Variants in BCL11B observed in about 807,000 individuals in gnomAD.
BCL11B encodes B-cell lymphoma/leukemia 11B.
A neutral mutation model predicts 49.9 loss-of-function variants in BCL11B; 8 were observed. That is an observed-to-expected ratio of 0.16 (90% CI 0.09 to 0.29). The LOEUF is 0.29. BCL11B is among the 10% of genes least tolerant of loss of function. The probability of loss-of-function intolerance (pLI) is 1.00; values close to 1 mark genes in which losing one functional copy is unlikely to be tolerated. For missense variants in BCL11B, 1,006 were observed against 1,351.0 expected (o/e 0.74, Z 4.00); for synonymous variants, 739 against 637.4 (o/e 1.16, Z -2.40).
intron 3 of BCL11B, among the ~76,000 whole-genome samples, chr14:99,207,516 A>G (rs1394115947): frequency 6.6e-6 from 1 of 152,114 alleles, no homozygotes; most frequent in East Asian, 1.9e-4. Context: ...AGGGCTCCAA[A>G]AGCATCCCCT....
intron 2 of BCL11B, among the ~76,000 whole-genome samples, chr14:99,256,848 T>A (rs1889177850): frequency 6.6e-6 from 1 of 152,100 alleles, no homozygotes; most frequent in Admixed American, 6.5e-5. Context: ...CACCCCTGCC[T>A]GGGACCGGCC....
rs112988059 is a variant in BCL11B at position 99,200,329 on chromosome 14, C to T, written c.641-24134G>A. ...AAGGGGACTGGGCTGAAGCCCCATT[C>T]GGAGCTGTGTCATTCCCACTCACAA... On this transcript the variant is annotated intron_variant, in intron 3 of 3. Coordinates refer to ENST00000357195, the MANE Select transcript of BCL11B (RefSeq NM_138576.4). Among the ~76,000 whole-genome samples the T allele has an allele frequency of 5.3e-5, 8 of 152,300 alleles. No homozygotes were observed. The East Asian group carries it at 7.7e-4, about 15-fold the overall frequency.
At chr14:99,258,115 C>T (rs1345094984) in intron 1 of BCL11B, among the ~76,000 whole-genome samples, 2 of 152,222 alleles carry the variant, frequency 1.3e-5, no homozygotes, top group South Asian at 2.1e-4. Flanking sequence ...TATTTTCTGC[C>T]AGTTTCTCCC....
intron 2 of BCL11B, among the ~76,000 whole-genome samples, chr14:99,233,244 G>A (rs1372463682): frequency 1.3e-5 from 2 of 152,124 alleles, no homozygotes; most frequent in South Asian, 2.1e-4. Context: ...GCAGACCACC[G>A]AGGGCTCTGG....
intron 3 of BCL11B, among the ~76,000 whole-genome samples, chr14:99,215,504 C>T (rs1052080653): frequency 6.6e-6 from 1 of 152,170 alleles, no homozygotes; most frequent in Non-Finnish European, 1.5e-5. Flanking sequence ...AATTTGGCAA[C>T]GCCACAGAAG....
At chr14:99,227,275 C>G (rs1888186525) in intron 3 of BCL11B, among the ~76,000 whole-genome samples, 1 of 152,190 alleles carries the variant, frequency 6.6e-6, no homozygotes, top group South Asian at 2.1e-4. Flanking sequence ...CTAACTTCGA[C>G]AGGGCTCACT....
chr14:99,233,279 C>G (rs574341674), intron 2 of BCL11B, among the ~76,000 whole-genome samples: 108 of 152,244 alleles, frequency 7.1e-4, no homozygotes, highest in African/African-American at 2.5e-3. Context: ...TGACAGCCAC[C>G]TCGCTCAGAA....
chr14:99,258,602 GGAGAA>G (rs1889244997), intron 1 of BCL11B, among the ~76,000 whole-genome samples: 1 of 152,204 alleles, frequency 6.6e-6, no homozygotes, highest in Non-Finnish European at 1.5e-5. Context: ...AAATATCTTA[GGAGAA>G]AGCACTGCAG....
intron 3 of BCL11B, among the ~76,000 whole-genome samples, chr14:99,225,453 G>A (rs902099466): frequency 5.9e-5 from 9 of 152,112 alleles, no homozygotes; most frequent in African/African-American, 2.2e-4. Flanking sequence ...AAAGGAGAAC[G>A]GGGCTGCCTT....
rs145244240 is a variant in BCL11B at position 99,230,973 on chromosome 14, G to A, written c.640+372C>T. Among the ~76,000 whole-genome samples the A allele has an allele frequency of 9.8e-3, 1,490 of 152,300 alleles. 29 individuals carry two copies. The highest frequency in any genetic ancestry group is 0.034 in the African/African-American group (1,430 of 41,556). On this transcript the variant is annotated intron_variant, in intron 3 of 3. Coordinates refer to ENST00000357195, the MANE Select transcript of BCL11B (RefSeq NM_138576.4). ...AATCTTCCCCTAGCCTGGTCTTGGC[G>A]GGGCAGGGGATTGTCTGGGGTGGGG...
At chr14:99,178,200 T>TG (rs1183458128) in intron 3 of BCL11B, among the ~76,000 whole-genome samples, 1 of 152,190 alleles carries the variant, frequency 6.6e-6, no homozygotes, top group Non-Finnish European at 1.5e-5. Context: ...TCTTTCCCTC[T>TG]CCTCTCCTAT....
intron 3 of BCL11B, among the ~76,000 whole-genome samples, chr14:99,193,123 C>T (rs941204604): frequency 6.6e-6 from 1 of 152,092 alleles, no homozygotes; most frequent in Non-Finnish European, 1.5e-5. Flanking sequence ...TCAAAAGGGG[C>T]CTTCCAGGTA....
At chr14:99,250,693 AAACT>A (rs1001797450) in intron 2 of BCL11B, among the ~76,000 whole-genome samples, 1 of 152,194 alleles carries the variant, frequency 6.6e-6, no homozygotes, top group African/African-American at 2.4e-5. Context: ...TCAAATAGAC[AAACT>A]AAGAATAATA....
At chr14:99,181,600 C>T (rs370086992) in intron 3 of BCL11B, among the ~76,000 whole-genome samples, 5 of 152,232 alleles carry the variant, frequency 3.3e-5, no homozygotes, top group African/African-American at 1.2e-4. Context: ...AGTGTCCTCC[C>T]AGTGGAAGGC....
Position 99,241,301 on chromosome 14 carries a change from C to T in BCL11B, c.428-9744G>A, listed in dbSNP as rs767218964. 1.3e-5 allele frequency among the ~76,000 whole-genome samples: 2 copies of T among 151,932 alleles called. No homozygotes were observed. The highest frequency in any genetic ancestry group is 2.1e-4 in the South Asian group (1 of 4,818). The stretch of plus-strand genomic sequence containing the variant: ...AACATTGTAGATAAGAGCCCAGAGG[C>T]GGGGAGGCCTCCGGGGCCACTCTTA... On this transcript the variant is annotated intron_variant, in intron 2 of 3. Coordinates refer to ENST00000357195, the MANE Select transcript of BCL11B (RefSeq NM_138576.4). This position sits in a 1 kb window ranked among gnomAD's most constrained non-coding sequence, Gnocchi z 4.4.
At chr14:99,187,143 G>A (rs1175771164) in intron 3 of BCL11B, among the ~76,000 whole-genome samples, 1 of 152,156 alleles carries the variant, frequency 6.6e-6, no homozygotes, top group Non-Finnish European at 1.5e-5. Context: ...GCCCAGGTGT[G>A]CAGTTTCAGG....
chr14:99,255,849 G>T (rs1231622771), intron 2 of BCL11B, among the ~76,000 whole-genome samples: 1 of 152,222 alleles, frequency 6.6e-6, no homozygotes, highest in Non-Finnish European at 1.5e-5. Context: ...CATGCCGGTG[G>T]CCTGGACATG....
chr14:99,269,179 A>T (rs1889575884), intron 1 of BCL11B, among the ~76,000 whole-genome samples: 2 of 107,958 alleles, frequency 1.9e-5, no homozygotes, highest in Non-Finnish European at 3.7e-5. Context: ...CCCCTCCTCA[A>T]AAACAACCCT....
rs34800317 is a variant in BCL11B, at chr14:99,173,577, T to TAA, written c.*572_*573dup. The TAA allele has an allele frequency of 4.4e-3, 783 of 179,368 alleles. No homozygotes were observed. The highest frequency in any genetic ancestry group is 1.0e-2 in the Middle Eastern group (5 of 502). The allele number at this position is 179,368 out of a possible 1,614,324, so 11.1% of individuals were successfully genotyped here. On this transcript the variant is annotated 3_prime_UTR_variant, in exon 4 of 4. Transcript: ENST00000357195. The stretch of plus-strand genomic sequence containing the variant: ...ACCAAAAAAAAAATTAAAAAATAAT[T>TAA]AAAAAAAAAACTGCATGCCACTTTT...
Sources: gnomAD v4.1 joint callset for allele counts (sites outside exome capture counted in the v4.1 genomes callset) on GRCh38, gnomAD v4.1.1 for gene constraint, Gnocchi (gnomAD v3.1) non-coding constraint, MANE v1.5 for transcripts, NCBI Gene and HGNC (gene_info 2026-07-23, HGNC 2026-07-21) for gene names.